GRAMD2A: variants seen among roughly 807,000 people sequenced by gnomAD.
GRAMD2A encodes GRAM domain-containing protein 2A.
In GRAMD2A, 37 loss-of-function variants were observed where a neutral mutation model predicts 51.1. The observed-to-expected ratio is 0.72, with a 90% CI of 0.56 to 0.95. The LOEUF (loss-of-function observed/expected upper bound fraction) is 0.95, where lower values mean the gene tolerates loss of function less well. GRAMD2A is among the 40% of genes least tolerant of loss of function. GRAMD2A has a pLI of 0.00. For synonymous variants in GRAMD2A, 136 were observed against 157.1 expected, an observed-to-expected ratio of 0.87 and a Z score of 1.01; for missense variants, 414 against 426.9, an observed-to-expected ratio of 0.97 and a Z score of 0.27.
intron 1 of GRAMD2A, among the ~76,000 whole-genome samples, chr15:72,186,268 T>C (rs2081733331): frequency 6.6e-6 from 1 of 152,054 alleles, no homozygotes; most frequent in Non-Finnish European, 1.5e-5. Context: ...ACCTTTCTAA[T>C]ATACATCAAA....
At chr15:72,181,482 A>G (rs999686109) in intron 1 of GRAMD2A, among the ~76,000 whole-genome samples, 20 of 152,286 alleles carry the variant, frequency 1.3e-4, no homozygotes, top group African/African-American at 4.1e-4. Context: ...TATGTTCACA[A>G]TTTTCCATGG....
At chr15:72,165,275 C>T (rs887404954) in intron 8 of GRAMD2A, 79 bp downstream of exon 8, 7 of 1,303,582 alleles carry the variant, frequency 5.4e-6, no homozygotes, top group African/African-American at 4.4e-5. Context: ...GCATTGTGGG[C>T]CCCCCTAGGA....
intron 1 of GRAMD2A, among the ~76,000 whole-genome samples, chr15:72,189,596 A>G (rs1448903256): frequency 6.6e-6 from 1 of 152,266 alleles, no homozygotes; most frequent in Non-Finnish European, 1.5e-5. Flanking sequence ...AAAGTAAAAC[A>G]GAGGTAGCTT....
chr15:72,191,464 A>C (rs1163314855), intron 1 of GRAMD2A, among the ~76,000 whole-genome samples: 1 of 152,162 alleles, frequency 6.6e-6, no homozygotes. Flanking sequence ...TGGCCTCCCA[A>C]AGTGCTGGGA....
chr15:72,182,362 CAAAAAAA>C (rs36075463), intron 1 of GRAMD2A, among the ~76,000 whole-genome samples: 1 of 47,560 alleles, frequency 2.1e-5, no homozygotes. Context: ...GAGACTGTCT[CAAAAAAA>C]AAAAAAAAAA....
At chr15:72,168,618 AG>A (rs758733204) in intron 3 of GRAMD2A, 52 bp from the exon 4 acceptor site, 81 of 1,477,886 alleles carry the variant, frequency 5.5e-5, no homozygotes, top group Non-Finnish European at 7.5e-5. Flanking sequence ...AGACCGCCAA[AG>A]GGGCCCTGCT....
At chr15:72,186,426 G>T (rs2081734537) in intron 1 of GRAMD2A, among the ~76,000 whole-genome samples, 1 of 151,730 alleles carries the variant, frequency 6.6e-6, no homozygotes, top group African/African-American at 2.4e-5. Context: ...CTGGGTTCAA[G>T]CGATTCTCCC....
intron 1 of GRAMD2A, among the ~76,000 whole-genome samples, chr15:72,194,926 G>T (rs945098292): frequency 5.3e-5 from 8 of 152,148 alleles, no homozygotes; most frequent in African/African-American, 1.9e-4. Flanking sequence ...GACCTCAGGG[G>T]ATCCACCTGT....
At chr15:72,163,780 A>G (rs1284636136) in intron 8 of GRAMD2A, 23 bp from the exon 9 acceptor site, 1 of 1,605,774 alleles carries the variant, frequency 6.2e-7, no homozygotes, top group Admixed American at 1.7e-5. Context: ...AGGAGAAGCT[A>G]TCTTACCATG....
In GRAMD2A at chr15:72,181,089, T is replaced by C. The variant is rs539876243; in HGVS notation, c.42-11150A>G. On this transcript the variant is annotated intron_variant, in intron 1 of 11. Transcript: ENST00000309731. ...GGGTCACTGTAGAGGGGTTGCCATATACAAAGGCCCCAAGGCCAGAAGTGT... is the reference window on the plus strand; with the variant it reads ...GGGTCACTGTAGAGGGGTTGCCATACACAAAGGCCCCAAGGCCAGAAGTGT... Among the ~76,000 whole-genome samples the C allele has an allele frequency of 3.3e-5, 5 of 152,302 alleles. No homozygotes were observed. In the East Asian group the frequency reaches 7.7e-4, roughly 24 times the overall value.
intron 1 of GRAMD2A, among the ~76,000 whole-genome samples, chr15:72,171,430 T>G (rs1403705877): frequency 6.6e-6 from 1 of 152,198 alleles, no homozygotes; most frequent in African/African-American, 2.4e-5. Flanking sequence ...ATATAATCTA[T>G]AATTTGTATA....
chr15:72,194,643 TGG>T (rs1334379133), intron 1 of GRAMD2A, among the ~76,000 whole-genome samples: 1 of 152,084 alleles, frequency 6.6e-6, no homozygotes, highest in Admixed American at 6.6e-5. Context: ...CTGGAAGTAA[TGG>T]AGATATCTGA....
At chr15:72,179,729 C>T (rs907798020) in intron 1 of GRAMD2A, among the ~76,000 whole-genome samples, 1 of 152,184 alleles carries the variant, frequency 6.6e-6, no homozygotes, top group African/African-American at 2.4e-5. Context: ...ATAACCCTGC[C>T]CATTGAGCAG....
Position 72,166,610 on chromosome 15 carries a change from T to C in GRAMD2A, c.543+22A>G. 6.2e-7 allele frequency: 1 copy of C among 1,603,564 alleles called. No homozygotes were observed. Among genetic ancestry groups the C allele is most frequent in the Non-Finnish European group, 8.5e-7 (1 of 1,170,848 alleles). Reference sequence around the variant, plus strand: ...CCAGGCCTGAGCGACTTCCCTGGCCTTCCTGCTCCCAAGCTCCATACCTGT... The same window carrying C: ...CCAGGCCTGAGCGACTTCCCTGGCCCTCCTGCTCCCAAGCTCCATACCTGT... On this transcript the variant is annotated intron_variant, in intron 7 of 11. Transcript: ENST00000309731. The surrounding 1 kb of genome is among the most constrained non-coding windows in gnomAD (Gnocchi z 4.1).
At chr15:72,175,133 A>T (rs1219487601) in intron 1 of GRAMD2A, among the ~76,000 whole-genome samples, 2 of 151,824 alleles carry the variant, frequency 1.3e-5, no homozygotes, top group Non-Finnish European at 2.9e-5. Context: ...TACTCCACTC[A>T]TTCTTCTCCT....
chr15:72,174,553 G>C (rs1465181524), intron 1 of GRAMD2A, among the ~76,000 whole-genome samples: 1 of 152,160 alleles, frequency 6.6e-6, no homozygotes, highest in Non-Finnish European at 1.5e-5. Flanking sequence ...TATGGAGCAG[G>C]GGAGTGGCAG....
At chr15:72,165,188 G>A (rs949913087) in intron 8 of GRAMD2A, among the ~76,000 whole-genome samples, 166 bp downstream of exon 8, 8 of 152,178 alleles carry the variant, frequency 5.3e-5, no homozygotes, top group African/African-American at 1.9e-4. Context: ...TGGTGGCTCT[G>A]CATTATGGTG....
At chr15:72,168,356 C>A in intron 4 of GRAMD2A, 135 bp downstream of exon 4, 1 of 697,942 alleles carries the variant, frequency 1.4e-6, no homozygotes. Flanking sequence ...AGTCTTCTCA[C>A]ATTCTAGGGG....
chr15:72,166,613 C>G lies in GRAMD2A; in HGVS notation c.543+19G>C. On this transcript the variant is annotated intron_variant, in intron 7 of 11. Coordinates refer to ENST00000309731, the MANE Select transcript of GRAMD2A (RefSeq NM_001012642.3). The surrounding 1 kb of genome is among the most constrained non-coding windows in gnomAD (Gnocchi z 4.1). Reference sequence around the variant, plus strand: ...GGCCTGAGCGACTTCCCTGGCCTTCCTGCTCCCAAGCTCCATACCTGTAGG... The same window carrying G: ...GGCCTGAGCGACTTCCCTGGCCTTCGTGCTCCCAAGCTCCATACCTGTAGG... 6.2e-7 allele frequency: 1 copy of G among 1,607,102 alleles called. No individual in the cohort carries two copies. The highest frequency in any genetic ancestry group is 8.5e-7 in the Non-Finnish European group (1 of 1,173,926).
Sources: allele counts gnomAD v4.1 joint callset (sites outside exome capture counted in the v4.1 genomes callset), GRCh38; gene constraint gnomAD v4.1.1; non-coding constraint Gnocchi (gnomAD v3.1); transcripts MANE v1.5; gene names NCBI Gene and HGNC (gene_info 2026-07-23, HGNC 2026-07-21).